Variants in BIRC6 observed in about 807,000 individuals in gnomAD.
The protein encoded by BIRC6 is dual E2 ubiquitin-conjugating enzyme/E3 ubiquitin-protein ligase BIRC6.
In BIRC6, 98 loss-of-function variants were observed where a neutral mutation model predicts 503.3. The ratio of observed to expected loss-of-function variants is 0.19; its 90% CI spans 0.17 to 0.23. BIRC6 has a LOEUF of 0.23. Among genes scored for constraint, BIRC6 ranks in the 10% least tolerant of loss-of-function variants. The pLI is 1.00. For missense variants in BIRC6, 5,360 were observed against 5,806.0 expected (o/e 0.92, Z 2.50); for synonymous variants, 2,240 against 2,078.7 (o/e 1.08, Z -2.11).
intron 65 of BIRC6, among the ~76,000 whole-genome samples, chr2:32,550,427 A>T (rs903865327): frequency 8.5e-5 from 13 of 152,096 alleles, no homozygotes; most frequent in African/African-American, 3.1e-4. Flanking sequence ...AGACTCCTTC[A>T]TGGAAGTATT....
Position 32,464,621 on chromosome 2 carries a change from G to T in BIRC6, c.5054G>T (p.Gly1685Val). 1 of 1,613,840 alleles carries T rather than the reference G, an allele frequency of 6.2e-7. No individual in the cohort carries two copies. Among genetic ancestry groups the T allele is most frequent in the Non-Finnish European group, 8.5e-7 (1 of 1,179,842 alleles). ...SVPSNPVAAP[G>V]FFIHPSDVIP... ...CCTTCCAACCCAGTGGCTGCCCCTG[G>T]ATTCTTCATTCATCCATCTGATGTT... The change falls in exon 25 of 74, where the codon GGA becomes GTA. Residue 1685 changes from glycine to valine, a missense_variant. Gly to Val is a moderately radical substitution (Grantham distance 109, BLOSUM62 -3). Coordinates refer to ENST00000421745, the MANE Select transcript of BIRC6 (RefSeq NM_016252.4).
Position 32,460,998 on chromosome 2 carries a change from C to CTTCTCTTCTCT in BIRC6, c.4754-2195_4754-2194insTCTCTTCTCTT, listed in dbSNP as rs1558788701. ...GATGCAATTGCTCTGCTCTGCTCTG[C>CTTCTCTTCTCT]TCTCTTCTCTTCTCTTCTCTTCTCT... On this transcript the variant is annotated intron_variant, in intron 23 of 73. Transcript: ENST00000421745. 2.8e-3 allele frequency among the ~76,000 whole-genome samples: 244 copies of CTTCTCTTCTCT among 88,726 alleles called. 2 individuals are homozygous for CTTCTCTTCTCT. Among genetic ancestry groups the CTTCTCTTCTCT allele is most frequent in the Non-Finnish European group, 4.3e-3 (184 of 43,074 alleles). The allele number at this position is 88,726 out of a possible 152,430, so 58.2% of individuals were successfully genotyped here.
intron 65 of BIRC6, among the ~76,000 whole-genome samples, chr2:32,573,369 C>T (rs1297535456): frequency 4.6e-5 from 7 of 151,888 alleles, no homozygotes; most frequent in African/African-American, 9.7e-5. Context: ...AGCTAATTTT[C>T]GTATTTAGTA....
Position 32,505,515 on chromosome 2 carries a change from A to G in BIRC6, c.9700+310A>G, listed in dbSNP as rs145908272. On this transcript the variant is annotated intron_variant, in intron 50 of 73. Coordinates refer to ENST00000421745, the MANE Select transcript of BIRC6 (RefSeq NM_016252.4). ...GCTGAAATGAGTTCACTACACACCC[A>G]TTTTTTACCATGTTAGTTTTTTCAG... Among the ~76,000 whole-genome samples, 55 of 152,208 alleles carry G rather than the reference A, an allele frequency of 3.6e-4. No homozygotes were observed. In the East Asian group the frequency reaches 8.3e-3, roughly 23 times the overall value.
intron 66 of BIRC6, among the ~76,000 whole-genome samples, chr2:32,589,582 C>G (rs1161124411): frequency 6.6e-6 from 1 of 152,174 alleles, no homozygotes; most frequent in Non-Finnish European, 1.5e-5. Flanking sequence ...GTCCTGATTT[C>G]TTAGCCAGAT....
At position 32,593,948 on chromosome 2, in the gene BIRC6, A is replaced by C. The variant is rs1382869850; in HGVS notation, c.13389A>C (p.Lys4463Asn). Residue 4463 changes from lysine to asparagine, a missense_variant, in exon 67 of 74, where the codon AAA becomes AAC. By Grantham distance (94) the Lys-to-Asn change is moderately conservative. Around this residue, in one of 16 missense-constraint regions of BIRC6, gnomAD observed 477 missense variants for 574.4 expected, o/e 0.83. Coordinates refer to ENST00000421745, the MANE Select transcript of BIRC6 (RefSeq NM_016252.4). ...SKRENVKTGV[K>N]PDASDQEPEG... ...GGGAAAATGTTAAAACAGGAGTAAAACCAGATGCGTCTGATCAAGAACCAG... is the reference window on the plus strand; with the variant it reads ...GGGAAAATGTTAAAACAGGAGTAAACCCAGATGCGTCTGATCAAGAACCAG... The C allele has an allele frequency of 6.2e-7, 1 of 1,613,352 alleles. No individual in the cohort carries two copies. The highest frequency in any genetic ancestry group is 1.3e-5 in the African/African-American group (1 of 74,934).
intron 1 of BIRC6, among the ~76,000 whole-genome samples, chr2:32,367,420 A>C (rs959239849): frequency 2.0e-5 from 3 of 151,406 alleles, no homozygotes; most frequent in Admixed American, 1.3e-4. Context: ...CTGAGATTGC[A>C]CCATTGCAAT....
intron 1 of BIRC6, among the ~76,000 whole-genome samples, chr2:32,364,645 T>G (rs564875478): frequency 6.6e-6 from 1 of 152,174 alleles, no homozygotes; most frequent in African/African-American, 2.4e-5. Context: ...GTTTTTAGAG[T>G]CAGTCCCTCA....
At chr2:32,473,343 C>G in intron 33 of BIRC6, 104 bp downstream of exon 33, 2 of 923,844 alleles carry the variant, frequency 2.2e-6, no homozygotes, top group Non-Finnish European at 3.2e-6. Flanking sequence ...ATTTAATGGG[C>G]TCTTAGCTTA....
chr2:32,582,596 C>G (rs954366072), intron 66 of BIRC6, among the ~76,000 whole-genome samples: 2 of 152,130 alleles, frequency 1.3e-5, no homozygotes, highest in Non-Finnish European at 2.9e-5. Context: ...AAACCCGTCT[C>G]TGTTAAAAAT....
chr2:32,450,856 A>G (rs932843513), intron 22 of BIRC6, among the ~76,000 whole-genome samples: 5 of 152,216 alleles, frequency 3.3e-5, no homozygotes, highest in African/African-American at 1.2e-4. Flanking sequence ...TTAATGCTAC[A>G]TGAGTACTTC....
intron 51 of BIRC6, 131 bp downstream of exon 51, chr2:32,508,390 G>A: frequency 1.7e-6 from 2 of 1,191,670 alleles, no homozygotes; most frequent in South Asian, 1.7e-5. Flanking sequence ...ATAGGTATCT[G>A]TATAATACAA....
At chr2:32,399,834 C>T (rs1292386924) in intron 6 of BIRC6, among the ~76,000 whole-genome samples, 3 of 152,022 alleles carry the variant, frequency 2.0e-5, no homozygotes, top group Non-Finnish European at 4.4e-5. Flanking sequence ...GTTGCTCAGG[C>T]TGGAGTGCAG....
intron 65 of BIRC6, among the ~76,000 whole-genome samples, chr2:32,555,898 A>G (rs1039877964): frequency 5.4e-5 from 8 of 147,472 alleles, no homozygotes; most frequent in African/African-American, 2.0e-4. Context: ...CCTGGGTGTC[A>G]GAGTAGACCC....
In BIRC6 at chr2:32,415,828, T is replaced by C; in HGVS notation, c.2537T>C (p.Ile846Thr). ...ACTTTAGAAGAGGAGCCAATAAAAA[T>C]ACAACATATCAAAGATCCCCAGGAC... ...IVTLEEEPIK[I>T]QHIKDPQDTI... The change falls in exon 10 of 74, where the codon ATA (isoleucine) becomes ACA (threonine). Residue 846 changes from isoleucine to threonine, a missense_variant. Ile to Thr is a moderately conservative substitution (Grantham distance 89). Transcript: ENST00000421745. 6.2e-7 allele frequency: 1 copy of C among 1,613,774 alleles called. No individual in the cohort carries two copies. The highest frequency in any genetic ancestry group is 1.3e-5 in the African/African-American group (1 of 75,018).
intron 10 of BIRC6, among the ~76,000 whole-genome samples, chr2:32,423,163 T>G (rs1036342548): frequency 6.6e-5 from 10 of 152,126 alleles, no homozygotes; most frequent in African/African-American, 2.2e-4. Context: ...CTCCTGACCT[T>G]AAGTGCTCCG....
intron 23 of BIRC6, among the ~76,000 whole-genome samples, chr2:32,460,787 A>G (rs2148797084): frequency 6.6e-6 from 1 of 151,956 alleles, no homozygotes; most frequent in Admixed American, 6.6e-5. Flanking sequence ...AGATTTTAAA[A>G]TCAATTAAAT....
rs10580859 is a variant in BIRC6 at position 32,393,946 on chromosome 2, C to CTATA, written c.952-1545_952-1542dup. ...TCTTTACTAAAATTAAACCAGAAAA[C>CTATA]TATATATATATATATATATATATGA... On this transcript the variant is annotated intron_variant, in intron 5 of 73. Coordinates refer to ENST00000421745, the MANE Select transcript of BIRC6 (RefSeq NM_016252.4). 1.5e-3 allele frequency among the ~76,000 whole-genome samples: 219 copies of CTATA among 145,606 alleles called. 1 individual carries two copies. The highest frequency in any genetic ancestry group is 0.013 in the East Asian group (65 of 5,014).
At chr2:32,418,068 C>T (rs1432670803) in intron 10 of BIRC6, among the ~76,000 whole-genome samples, 1 of 152,202 alleles carries the variant, frequency 6.6e-6, no homozygotes, top group Admixed American at 6.5e-5. Flanking sequence ...GCATGATCCA[C>T]TGTACCCAGT....
Sources: allele counts gnomAD v4.1 joint callset (sites outside exome capture counted in the v4.1 genomes callset), GRCh38; gene constraint gnomAD v4.1.1; regional missense constraint gnomAD v4.1.1; transcripts MANE v1.5; gene names NCBI Gene and HGNC (gene_info 2026-07-23, HGNC 2026-07-21).